The following BPTF variants were observed in gnomAD, a reference collection of about 807,000 sequenced individuals.
BPTF encodes bromodomain PHD finger transcription factor.
BPTF carries 18 observed loss-of-function variants against 292.5 expected under a neutral mutation model. The ratio of observed to expected loss-of-function variants is 0.06; its 90% CI spans 0.04 to 0.09. The LOEUF (loss-of-function observed/expected upper bound fraction) is 0.09. Ranked by LOEUF, BPTF falls within the 10% of genes least tolerant of loss-of-function variation. The pLI is 1.00. For missense variants in BPTF, 2,726 were observed against 3,498.7 expected (o/e 0.78, Z 5.57); for synonymous variants, 1,225 against 1,251.9 (o/e 0.98, Z 0.45).
chr17:67,902,111 C>T (rs916930722), intron 7 of BPTF, among the ~76,000 whole-genome samples: 1 of 152,184 alleles, frequency 6.6e-6, no homozygotes, highest in African/African-American at 2.4e-5. Context: ...CATAAGACTG[C>T]CTAACTGGCC....
At chr17:67,892,532 C>T (rs889934332) in intron 5 of BPTF, among the ~76,000 whole-genome samples, 1 of 152,170 alleles carries the variant, frequency 6.6e-6, no homozygotes, top group Non-Finnish European at 1.5e-5. Flanking sequence ...AGCTAGGACT[C>T]GGTATCTCTG....
chr17:67,907,205 T>G (rs1230382985), intron 9 of BPTF, among the ~76,000 whole-genome samples: 1 of 150,774 alleles, frequency 6.6e-6, no homozygotes, highest in Non-Finnish European at 1.5e-5. Context: ...AAAAAAACCT[T>G]TAAGTCCCAA....
chr17:67,896,022 G>A (rs1318776859), intron 7 of BPTF, among the ~76,000 whole-genome samples: 1 of 148,718 alleles, frequency 6.7e-6, no homozygotes, highest in Non-Finnish European at 1.5e-5. Flanking sequence ...GGAGTGCAGT[G>A]GCGTGATCTC....
chr17:67,902,576 A>G (rs1350741032), intron 7 of BPTF, among the ~76,000 whole-genome samples: 1 of 152,140 alleles, frequency 6.6e-6, no homozygotes, highest in African/African-American at 2.4e-5. Context: ...CGAAGAGCCT[A>G]TGGAGAATGT....
At chr17:67,869,536 C>T (rs1418896345) in intron 3 of BPTF, among the ~76,000 whole-genome samples, 2 of 152,018 alleles carry the variant, frequency 1.3e-5, no homozygotes, top group Middle Eastern at 3.2e-3. Flanking sequence ...ATTCTTCTTC[C>T]TCTAAATAAC....
At position 67,959,580 on chromosome 17, in the gene BPTF, G is replaced by T; in HGVS notation, c.7966G>T (p.Asp2656Tyr). Residue 2656 changes from aspartate to tyrosine, a missense_variant, in exon 24 of 28, where the codon GAC becomes TAC. Around this residue, in one of 22 missense-constraint regions of BPTF, gnomAD observed 148 missense variants for 145.5 expected, o/e 1.02. Transcript: ENST00000306378. ...KRDLKIKKEK[D>Y]LMQLAQATAV... Reference sequence around the variant, plus strand: ...AGACCTGAAAATTAAGAAAGAAAAAGACCTGATGCAGTTGGCTCAGGCCAC... The same window carrying T: ...AGACCTGAAAATTAAGAAAGAAAAATACCTGATGCAGTTGGCTCAGGCCAC... 3 of 1,535,000 alleles carry T rather than the reference G, an allele frequency of 2.0e-6. No individual in the cohort carries two copies. The highest frequency in any genetic ancestry group is 1.7e-6 in the Non-Finnish European group (2 of 1,147,842).
chr17:67,866,062 A>G (rs1441321626), intron 2 of BPTF, among the ~76,000 whole-genome samples: 1 of 152,208 alleles, frequency 6.6e-6, no homozygotes, highest in Non-Finnish European at 1.5e-5. Context: ...CTGAGTACGC[A>G]GTGAACCACG....
Position 67,945,950 on chromosome 17 carries a change from T to C in BPTF, c.7242T>C (p.Thr2414=), listed in dbSNP as rs2080269090. 9 of 1,614,174 alleles carry C rather than the reference T, an allele frequency of 5.6e-6. No individual in the cohort carries two copies. The highest frequency in any genetic ancestry group is 7.6e-6 in the Non-Finnish European group (9 of 1,180,034). Reference sequence around the variant, plus strand: ...CAGGACAAACTTTAAATCAAGTTACTGTTTCATCCCCATCCCGTCCTCAGC... The same window carrying C: ...CAGGACAAACTTTAAATCAAGTTACCGTTTCATCCCCATCCCGTCCTCAGC... ...LSSGQTLNQV[T]VSSPSRPQLQ... is the part of the protein sequence containing the mutation. The change falls in exon 21 of 28, where the codon ACT becomes ACC. Residue 2414 remains threonine, a synonymous_variant. Transcript: ENST00000306378.
chr17:67,892,098 T>TA, intron 5 of BPTF, 64 bp downstream of exon 5: 1 of 1,231,750 alleles, frequency 8.1e-7, no homozygotes, highest in Non-Finnish European at 1.1e-6. Flanking sequence ...TACCACACCT[T>TA]AAAAATAGGG....
intron 4 of BPTF, among the ~76,000 whole-genome samples, chr17:67,876,013 A>G (rs1171817581): frequency 6.6e-6 from 1 of 152,204 alleles, no homozygotes; most frequent in Admixed American, 6.5e-5. Context: ...TTTTATCACC[A>G]GACCATAGTG....
chr17:67,947,644 C>G, intron 21 of BPTF, 82 bp from the exon 22 acceptor site: 1 of 1,042,230 alleles, frequency 9.6e-7, no homozygotes, highest in Non-Finnish European at 1.4e-6. Flanking sequence ...CACATATGTG[C>G]TCAAATTTCT....
At chr17:67,831,449 G>C (rs1179796663) in intron 1 of BPTF, among the ~76,000 whole-genome samples, 4 of 152,168 alleles carry the variant, frequency 2.6e-5, no homozygotes, top group African/African-American at 4.8e-5. Context: ...GTGTGTCCTA[G>C]GTATGCATTA....
chr17:67,835,866 C>T (rs1598124248), intron 1 of BPTF, among the ~76,000 whole-genome samples: 1 of 151,868 alleles, frequency 6.6e-6, no homozygotes, highest in East Asian at 1.9e-4. Context: ...GGGGTTTCAC[C>T]ATGGTAGCCA....
chr17:67,847,452 T>C (rs759411449), intron 1 of BPTF, among the ~76,000 whole-genome samples: 3 of 151,810 alleles, frequency 2.0e-5, no homozygotes, highest in Non-Finnish European at 4.4e-5. Context: ...AGGCAGAGCT[T>C]GCAGTGAGCA....
chr17:67,952,614 T>C (rs112606425), intron 23 of BPTF, among the ~76,000 whole-genome samples: 35 of 152,324 alleles, frequency 2.3e-4, no homozygotes, highest in Non-Finnish European at 4.3e-4. Context: ...ACAGTTCCCA[T>C]ATTATTCCTC....
intron 11 of BPTF, 21 bp from the exon 12 acceptor site, chr17:67,918,693 T>C: frequency 6.2e-7 from 1 of 1,602,770 alleles, no homozygotes; most frequent in Non-Finnish European, 8.5e-7. Flanking sequence ...TATATATGGA[T>C]TTCTTTGGTT....
rs782008551 is a variant in BPTF at position 67,940,590 on chromosome 17, C to T, written c.6411C>T (p.Pro2137=). The change falls in exon 19 of 28, where the codon CCC becomes CCT. Residue 2137 remains proline, a synonymous_variant. Coordinates refer to ENST00000306378, the MANE Select transcript of BPTF (RefSeq NM_182641.4). ...ATATACAGTCTTCAGCCTCACAACC[C>T]CCTCGCCCCCAACAAGGACAAGTGA... The part of the protein sequence containing the change: ...TSNIQSSASQ[P]PRPQQGQVKL... 1.8e-5 allele frequency: 29 copies of T among 1,614,002 alleles called. No homozygotes were observed. The highest frequency in any genetic ancestry group is 2.4e-5 in the Non-Finnish European group (28 of 1,180,038).
chr17:67,950,215 C>T (rs2066213657), intron 23 of BPTF, among the ~76,000 whole-genome samples: 1 of 151,858 alleles, frequency 6.6e-6, no homozygotes, highest in African/African-American at 2.4e-5. Context: ...GATGCGAAAT[C>T]ATGCCATTGC....
At chr17:67,839,496 C>G (rs765725443) in intron 1 of BPTF, among the ~76,000 whole-genome samples, 5 of 152,104 alleles carry the variant, frequency 3.3e-5, no homozygotes, top group Admixed American at 6.5e-5. Context: ...CCTTACATTC[C>G]TGCAGCAAAC....
Sources: gnomAD v4.1 joint callset for allele counts (sites outside exome capture counted in the v4.1 genomes callset) on GRCh38, gnomAD v4.1.1 for gene constraint, gnomAD v4.1.1 regional missense constraint, MANE v1.5 for transcripts, NCBI Gene and HGNC (gene_info 2026-07-23, HGNC 2026-07-21) for gene names.